The following MAST1 variants were observed in gnomAD, a reference collection of about 807,000 sequenced individuals.
MAST1 encodes the protein microtubule-associated serine/threonine-protein kinase 1.
In MAST1, 40 loss-of-function variants were observed where a neutral mutation model predicts 124.6. That is an observed-to-expected ratio of 0.32 (90% CI 0.25 to 0.42). The LOEUF is 0.42. MAST1 is among the 10% of genes least tolerant of loss of function. MAST1 has a pLI of 1.00. For missense variants in MAST1, 1,558 were observed against 2,181.9 expected, an observed-to-expected ratio of 0.71 and a Z score of 5.70; for synonymous variants, 938 against 939.4, an observed-to-expected ratio of 1.00 and a Z score of 0.03.
At chr19:12,850,641 T>C (rs1391831196) in intron 7 of MAST1, among the ~76,000 whole-genome samples, 1 of 151,976 alleles carries the variant, frequency 6.6e-6, no homozygotes, top group East Asian at 1.9e-4. Context: ...TTAAAACACA[T>C]ATAGGTTGGT....
Position 12,871,079 on chromosome 19 carries a change from C to T in MAST1, c.3170C>T (p.Thr1057Ile). Residue 1057 changes from threonine to isoleucine, a missense_variant, in exon 24 of 26, where the codon ACC (threonine) becomes ATC (isoleucine). By Grantham distance (89) the Thr-to-Ile change is moderately conservative (BLOSUM62 -1). Coordinates refer to ENST00000251472, the MANE Select transcript of MAST1 (RefSeq NM_014975.3). ...VAVTTTPFEN[T>I]SIRIGPARRS... ...GTGACCACAACGCCCTTCGAAAATA[C>T]CTCTATCCGCATTGGTCCCGCAAGG... 6.2e-7 allele frequency: 1 copy of T among 1,614,214 alleles called. No individual in the cohort carries two copies. Among genetic ancestry groups the T allele is most frequent in the Non-Finnish European group, 8.5e-7 (1 of 1,180,036 alleles).
At chr19:12,854,251 G>A (rs765522118) in intron 10 of MAST1, among the ~76,000 whole-genome samples, 10 of 151,540 alleles carry the variant, frequency 6.6e-5, no homozygotes, top group Non-Finnish European at 1.2e-4. Context: ...AGCCTCCTGA[G>A]TAGCTGGGAT....
intron 4 of MAST1, among the ~76,000 whole-genome samples, chr19:12,845,299 G>T (rs1040493945): frequency 6.7e-6 from 1 of 148,986 alleles, no homozygotes; most frequent in African/African-American, 2.5e-5. Flanking sequence ...ATATGACCAG[G>T]CATGGTGGCT....
chr19:12,855,183 G>C (rs960691116), intron 10 of MAST1, among the ~76,000 whole-genome samples: 6 of 152,030 alleles, frequency 3.9e-5, no homozygotes, highest in African/African-American at 1.5e-4. Flanking sequence ...GCAGTGAGCC[G>C]ATATCAAACC....
In MAST1 at chr19:12,873,501, C is replaced by T; in HGVS notation, c.3441C>T (p.Ser1147=). The change falls in exon 25 of 26, where the codon TCC becomes TCT. Residue 1147 remains serine, a synonymous_variant. Coordinates refer to ENST00000251472, the MANE Select transcript of MAST1 (RefSeq NM_014975.3). ...PTHSYRSTPD[S]AYLGASSQSS... ...ACAGCTACCGCTCCACGCCTGACTC[C>T]GCCTACCTAGGTATTACCTCCTGCA... The T allele has an allele frequency of 6.2e-7, 1 of 1,603,770 alleles. No individual in the cohort carries two copies. Among genetic ancestry groups the T allele is most frequent in the Non-Finnish European group, 8.5e-7 (1 of 1,177,640 alleles).
rs936130584 is a variant in MAST1, at chr19:12,866,175, G to A, written c.2029+73G>A. 65 of 1,584,562 alleles carry A rather than the reference G, an allele frequency of 4.1e-5. No individual in the cohort carries two copies. The Middle Eastern group carries it at 5.1e-4, about 12-fold the overall frequency. ...GAAGAGGGACCCTGGGGTAAGTAAA[G>A]CCTGGGATAGGGCCTGGCTAAGTAC... On this transcript the variant is annotated intron_variant, in intron 17 of 25. Transcript: ENST00000251472. The surrounding 1 kb of genome is among the most constrained non-coding windows in gnomAD (Gnocchi z 5.2).
At chr19:12,848,157 AC>A in intron 7 of MAST1, 100 bp downstream of exon 7, 1 of 1,084,922 alleles carries the variant, frequency 9.2e-7, no homozygotes, top group Non-Finnish European at 1.3e-6. Context: ...GGGAGCTCCT[AC>A]CACGTTCCAG....
chr19:12,874,287 C>A lies in MAST1; in HGVS notation c.4130C>A (p.Pro1377His). 6.3e-7 allele frequency: 1 copy of A among 1,591,442 alleles called. No individual in the cohort carries two copies. Among genetic ancestry groups the A allele is most frequent in the Non-Finnish European group, 8.5e-7 (1 of 1,174,912 alleles). ...EACTPPRATT[P>H]GGRTLERDVG... ...TGCACCCCACCCCGCGCGACGACCC[C>A]CGGTGGCCGGACCCTGGAGCGGGAC... The change falls in exon 26 of 26, where the codon CCC (proline) becomes CAC (histidine). Residue 1377 changes from proline to histidine, a missense_variant. Pro to His is a moderately conservative substitution (Grantham distance 77). Around this residue, in one of 10 missense-constraint regions of MAST1, gnomAD observed 263 missense variants for 310.9 expected, o/e 0.85. Transcript: ENST00000251472. The surrounding 1 kb of genome is among the most constrained non-coding windows in gnomAD (Gnocchi z 6.6).
At chr19:12,839,310 A>G (rs1280955016) in intron 1 of MAST1, among the ~76,000 whole-genome samples, 3 of 152,138 alleles carry the variant, frequency 2.0e-5, no homozygotes, top group African/African-American at 7.2e-5. Context: ...GGTCAGAACC[A>G]TGCACAGACA....
At chr19:12,862,045 C>A (rs1018189350) in intron 12 of MAST1, among the ~76,000 whole-genome samples, 21 of 149,772 alleles carry the variant, frequency 1.4e-4, no homozygotes, top group African/African-American at 5.2e-4. Flanking sequence ...CACGCTGTCA[C>A]CCAGGCTAGA....
Position 12,867,828 on chromosome 19 carries a change from G to T in MAST1, c.2417G>T (p.Arg806Leu), listed in dbSNP as rs890436943. 1.3e-6 allele frequency: 2 copies of T among 1,596,544 alleles called. No individual in the cohort carries two copies. Residue 806 changes from arginine to leucine, a missense_variant, in exon 20 of 26, where the codon CGC (arginine) becomes CTC (leucine). Around this residue, in one of 10 missense-constraint regions of MAST1, gnomAD observed 287 missense variants for 308.0 expected, o/e 0.93. Coordinates refer to ENST00000251472, the MANE Select transcript of MAST1 (RefSeq NM_014975.3). ...TTCTCGGCGCTGCTGGAGCCCAGCC[G>T]CTTCAGCGCCCCCCAAGAGGACGAG... ...RRFSALLEPS[R>L]FSAPQEDEDE...
Position 12,870,423 on chromosome 19 carries a change from G to A in MAST1, c.3004-401G>A, listed in dbSNP as rs569840060. Among the ~76,000 whole-genome samples, 11 of 151,210 alleles carry A rather than the reference G, an allele frequency of 7.3e-5. No individual in the cohort carries two copies. The South Asian group carries it at 8.4e-4, about 12-fold the overall frequency. On this transcript the variant is annotated intron_variant, in intron 22 of 25. Transcript: ENST00000251472. ...GGATAATCGCGTGAACCCGGGAGGC[G>A]GAGCTTGCAGTGAGCCGACATCGCG...
rs1210798009 is a variant in MAST1, at chr19:12,838,707, C to A, written c.83+52C>A. 1.9e-6 allele frequency: 3 copies of A among 1,551,054 alleles called. No individual in the cohort carries two copies. The highest frequency in any genetic ancestry group is 2.7e-6 in the Non-Finnish European group (3 of 1,131,380). ...TCCCGGCCCTCCCCGCAAAAGCCGC[C>A]GCTCCGGGTACTGCTGCAGGGCGGG... On this transcript the variant is annotated intron_variant, in intron 1 of 25. Transcript: ENST00000251472. This position sits in a 1 kb window ranked among gnomAD's most constrained non-coding sequence, Gnocchi z 4.3.
rs528899770 is a variant in MAST1 at position 12,866,056 on chromosome 19, G to A, written c.1983G>A (p.Glu661=). The A allele has an allele frequency of 1.9e-6, 3 of 1,614,176 alleles. No homozygotes were observed. The African/African-American group carries it at 4.0e-5, about 22-fold the overall frequency. The part of the protein sequence containing the change: ...DWTGLLRQKA[E]FIPHLESEDD... ...CAGGGCTGCTGAGGCAGAAGGCCGA[G>A]TTCATCCCCCACCTAGAGTCGGAAG... The change falls in exon 17 of 26, where the codon GAG becomes GAA. Residue 661 remains glutamate, a synonymous_variant. Transcript: ENST00000251472. This position sits in a 1 kb window ranked among gnomAD's most constrained non-coding sequence, Gnocchi z 5.2.
intron 12 of MAST1, among the ~76,000 whole-genome samples, chr19:12,861,525 C>A (rs1027899768): frequency 6.6e-6 from 1 of 151,992 alleles, no homozygotes; most frequent in African/African-American, 2.4e-5. Context: ...GCAAGCAGGC[C>A]CATGGAGCCG....
rs1030944950 is a variant in MAST1, at chr19:12,867,837, C to T, written c.2426C>T (p.Ala809Val). ...CTGCTGGAGCCCAGCCGCTTCAGCG[C>T]CCCCCAAGAGGACGAGGATGAGGCC... ...SALLEPSRFSAPQEDEDEARL... is the reference protein window; with the variant it reads ...SALLEPSRFSVPQEDEDEARL... Residue 809 changes from alanine to valine, a missense_variant, in exon 20 of 26, where the codon GCC becomes GTC. Coordinates refer to ENST00000251472, the MANE Select transcript of MAST1 (RefSeq NM_014975.3). The T allele has an allele frequency of 1.1e-5, 18 of 1,600,912 alleles. No homozygotes were observed. The highest frequency in any genetic ancestry group is 5.2e-5 in the Admixed American group (3 of 57,624).
At chr19:12,849,576 A>T (rs1243958517) in intron 7 of MAST1, among the ~76,000 whole-genome samples, 8 of 152,028 alleles carry the variant, frequency 5.3e-5, no homozygotes, top group Admixed American at 5.2e-4. Flanking sequence ...AAGCAGGAGA[A>T]TCGCTTGAAT....
intron 10 of MAST1, 38 bp from the exon 11 acceptor site, chr19:12,858,324 A>G: frequency 6.4e-7 from 1 of 1,551,900 alleles, no homozygotes; most frequent in Non-Finnish European, 8.8e-7. Context: ...TGCTCTCATG[A>G]TGATGATGGT....
chr19:12,871,222 G>A (rs1222826325), intron 24 of MAST1, 50 bp downstream of exon 24: 2 of 1,610,254 alleles, frequency 1.2e-6, no homozygotes, highest in Non-Finnish European at 1.7e-6. Flanking sequence ...GTGGAACTTA[G>A]GCGGGAGGGG....
Sources: allele counts gnomAD v4.1 joint callset (sites outside exome capture counted in the v4.1 genomes callset), GRCh38; gene constraint gnomAD v4.1.1; regional missense constraint gnomAD v4.1.1; non-coding constraint Gnocchi (gnomAD v3.1); transcripts MANE v1.5; gene names NCBI Gene and HGNC (gene_info 2026-07-23, HGNC 2026-07-21).